Variants in CDC37L1 observed in about 807,000 individuals in gnomAD.
The protein encoded by CDC37L1 is hsp90 co-chaperone Cdc37-like 1.
CDC37L1 carries 32 observed loss-of-function variants against 45.9 expected under a neutral mutation model. That is an observed-to-expected ratio of 0.70 (90% CI 0.53 to 0.94). CDC37L1 has a LOEUF of 0.94. Among genes scored for constraint, CDC37L1 ranks in the 40% least tolerant of loss-of-function variants. The pLI, the probability that CDC37L1 is intolerant of heterozygous loss-of-function variation, is 0.00. For synonymous variants in CDC37L1, 150 were observed against 133.0 expected, an observed-to-expected ratio of 1.13 and a Z score of -0.88; for missense variants, 434 against 405.7, an observed-to-expected ratio of 1.07 and a Z score of -0.60.
At chr9:4,696,264 CTT>C (rs753809397) in intron 3 of CDC37L1, among the ~76,000 whole-genome samples, 40 of 152,314 alleles carry the variant, frequency 2.6e-4, no homozygotes, top group Non-Finnish European at 4.1e-4. Flanking sequence ...CTGCTAAACT[CTT>C]GAGTCAGCTC....
intron 3 of CDC37L1, among the ~76,000 whole-genome samples, chr9:4,695,373 C>T (rs914655309): frequency 6.6e-6 from 1 of 152,166 alleles, no homozygotes; most frequent in South Asian, 2.1e-4. Context: ...TTTTAAGTAA[C>T]TTCCATAATC....
At chr9:4,698,831 G>T (rs959616465) in intron 5 of CDC37L1, among the ~76,000 whole-genome samples, 1 of 152,112 alleles carries the variant, frequency 6.6e-6, no homozygotes. Flanking sequence ...GATTAATGCG[G>T]AAGTACAAAT....
intron 1 of CDC37L1, among the ~76,000 whole-genome samples, chr9:4,680,749 A>G (rs996961106): frequency 3.9e-5 from 6 of 152,364 alleles, no homozygotes; most frequent in East Asian, 3.9e-4. Flanking sequence ...AAACACTAAT[A>G]TATTCAATGG....
intron 5 of CDC37L1, among the ~76,000 whole-genome samples, chr9:4,699,306 C>T (rs1417245303): frequency 6.6e-6 from 1 of 152,188 alleles, no homozygotes; most frequent in East Asian, 1.9e-4. Flanking sequence ...AAGGGAAATA[C>T]TCACAGATTT....
intron 1 of CDC37L1, among the ~76,000 whole-genome samples, chr9:4,683,613 A>G (rs1363703204): frequency 6.6e-6 from 1 of 152,156 alleles, no homozygotes. Context: ...TTTGCCACAG[A>G]GTATGTACTT....
rs903993647 is a variant in CDC37L1 at position 4,697,611 on chromosome 9, A to T, written c.625-146A>T. 3.6e-5 allele frequency: 19 copies of T among 530,954 alleles called. No individual in the cohort carries two copies. In the Admixed American group the frequency reaches 6.5e-4, roughly 18 times the overall value. 32.9% of individuals were successfully genotyped at this position (530,954 alleles called of 1,614,324 possible). A position where few individuals can be genotyped will look rare whatever the true frequency, so the allele number is the denominator to read the frequency against. ...TACAAATAATAAAAAAAAAACTAAG[A>T]TATACTCTTTATATGTTTGTAAAGT... On this transcript the variant is annotated intron_variant, in intron 4 of 6. Coordinates refer to ENST00000381854, the MANE Select transcript of CDC37L1 (RefSeq NM_017913.4).
intron 2 of CDC37L1, among the ~76,000 whole-genome samples, chr9:4,686,854 G>T (rs536579492): frequency 6.6e-6 from 1 of 152,312 alleles, no homozygotes; most frequent in East Asian, 1.9e-4. Context: ...TGTGCTGTAA[G>T]TGTAAAATAC....
intron 1 of CDC37L1, among the ~76,000 whole-genome samples, chr9:4,682,952 A>C: frequency 6.9e-6 from 1 of 145,550 alleles, no homozygotes; most frequent in Non-Finnish European, 1.5e-5. Context: ...AAAAATAAAT[A>C]TTTTATTTTA....
In CDC37L1 at chr9:4,679,601, T is replaced by C. The variant is rs1013689635; in HGVS notation, c.-167T>C. The C allele has an allele frequency of 3.5e-6, 2 of 579,162 alleles. No homozygotes were observed. The highest frequency in any genetic ancestry group is 5.9e-6 in the Non-Finnish European group (2 of 337,126). 35.9% of individuals were successfully genotyped at this position (579,162 alleles called of 1,614,324 possible). Reference sequence around the variant, plus strand: ...CGTCCGCCGGTGGCGAGGCCCAGGCTGTCGCCGGGTGTGCAGCGGCGTCGC... The same window carrying C: ...CGTCCGCCGGTGGCGAGGCCCAGGCCGTCGCCGGGTGTGCAGCGGCGTCGC... On this transcript the variant is annotated 5_prime_UTR_variant, in exon 1 of 7. Transcript: ENST00000381854.
chr9:4,705,806 C>T (rs1030926348), intron 6 of CDC37L1, among the ~76,000 whole-genome samples: 1 of 152,136 alleles, frequency 6.6e-6, no homozygotes, highest in Non-Finnish European at 1.5e-5. Context: ...TTTATCACAT[C>T]TCATAGGTGA....
intron 1 of CDC37L1, 128 bp downstream of exon 1, chr9:4,680,027 C>G (rs1390420003): frequency 6.4e-6 from 8 of 1,247,500 alleles, no homozygotes; most frequent in Non-Finnish European, 7.6e-6. Context: ...GGCCGGGGAC[C>G]TGGGACCTGA....
In CDC37L1 at chr9:4,708,386, A is replaced by T. The variant is rs191961634; in HGVS notation, c.*2274A>T. ...ATAAAATTAATATTTGAATAAAAAA[A>T]TTTTTAAATCAAATAGCTGTCCATT... On this transcript the variant is annotated 3_prime_UTR_variant, in exon 7 of 7. Transcript: ENST00000381854. 50 of 149,326 alleles carry T rather than the reference A, an allele frequency of 3.3e-4. No individual in the cohort carries two copies. The highest frequency in any genetic ancestry group is 1.3e-3 in the Admixed American group (20 of 14,850). 9.3% of individuals were successfully genotyped at this position (149,326 alleles called of 1,614,324 possible). A position where few individuals can be genotyped will look rare whatever the true frequency, so the allele number is the denominator to read the frequency against.
intron 1 of CDC37L1, among the ~76,000 whole-genome samples, chr9:4,683,634 C>T (rs889328015): frequency 3.9e-5 from 6 of 151,906 alleles, no homozygotes; most frequent in Non-Finnish European, 7.4e-5. Context: ...TATCCCAAAG[C>T]TAAGAATGAA....
chr9:4,679,732 G>C lies in CDC37L1; in HGVS notation c.-36G>C, dbSNP rs374431975. The C allele has an allele frequency of 6.9e-6, 11 of 1,592,788 alleles. No homozygotes were observed. The Admixed American group carries it at 8.6e-5, about 13-fold the overall frequency. ...AGTCTGTTGGCAGTGGCAGTTGTAG[G>C]GCCAAGGGCGGTTGTAGGACCCGGA... On this transcript the variant is annotated 5_prime_UTR_variant, in exon 1 of 7. Transcript: ENST00000381854.
intron 2 of CDC37L1, among the ~76,000 whole-genome samples, chr9:4,686,271 A>G (rs1841246177): frequency 6.6e-6 from 1 of 152,198 alleles, no homozygotes; most frequent in South Asian, 2.1e-4. Context: ...GCAGTCAGTA[A>G]CACACACAGA....
In CDC37L1 at chr9:4,701,963, A is replaced by G. The variant is rs922092138; in HGVS notation, c.847A>G (p.Thr283Ala). Residue 283 changes from threonine to alanine, a missense_variant, in exon 6 of 7, where the codon ACA becomes GCA. Thr to Ala is a moderately conservative substitution (Grantham distance 58). Coordinates refer to ENST00000381854, the MANE Select transcript of CDC37L1 (RefSeq NM_017913.4). Reference sequence around the variant, plus strand: ...TCAATCACAAAGTTTTCAACCTATGACAGTTCAGAATCATGTTCCCCATTC... The same window carrying G: ...TCAATCACAAAGTTTTCAACCTATGGCAGTTCAGAATCATGTTCCCCATTC... ...YSQSQSFQPM[T>A]VQNHVPHSGV... The G allele has an allele frequency of 2.9e-5, 46 of 1,571,364 alleles. No individual in the cohort carries two copies. Among genetic ancestry groups the G allele is most frequent in the African/African-American group, 4.2e-5 (3 of 71,986 alleles).
intron 6 of CDC37L1, chr9:4,703,027 C>G (rs746600520): frequency 5.4e-6 from 8 of 1,492,228 alleles, no homozygotes; most frequent in African/African-American, 1.4e-5. Flanking sequence ...TAGATAATTC[C>G]TACCCATTTG....
At chr9:4,686,038 C>G (rs1004167186) in intron 2 of CDC37L1, among the ~76,000 whole-genome samples, 2 of 152,150 alleles carry the variant, frequency 1.3e-5, no homozygotes, top group Non-Finnish European at 2.9e-5. Flanking sequence ...TGGCATGTGC[C>G]TGTATTGCCT....
At chr9:4,703,264 C>T in intron 6 of CDC37L1, 1 of 484,948 alleles carries the variant, frequency 2.1e-6, no homozygotes, top group Non-Finnish European at 3.3e-6. Context: ...TTCACCATTC[C>T]AATTACATGT....
Sources: allele counts gnomAD v4.1 joint callset (sites outside exome capture counted in the v4.1 genomes callset), GRCh38; gene constraint gnomAD v4.1.1; transcripts MANE v1.5; gene names NCBI Gene and HGNC (gene_info 2026-07-23, HGNC 2026-07-21).